The following NLGN4X variants were observed in gnomAD, a reference collection of about 807,000 sequenced individuals.
NLGN4X encodes neuroligin-4, X-linked.
NLGN4X carries 3 observed loss-of-function variants against 40.3 expected under a neutral mutation model. The observed-to-expected ratio is 0.07, with a 90% CI of 0.03 to 0.19. NLGN4X has a LOEUF of 0.19. Ranked by LOEUF, NLGN4X falls within the 10% of genes least tolerant of loss-of-function variation. The pLI, the probability that NLGN4X is intolerant of heterozygous loss-of-function variation, is 1.00. For synonymous variants in NLGN4X, 270 were observed against 306.8 expected (o/e 0.88, Z 1.25); for missense variants, 382 against 708.3 (o/e 0.54, Z 5.23).
At chrX:6,183,472 G>A (rs908915136) in intron 1 of NLGN4X, among the ~76,000 whole-genome samples, 2 of 110,846 alleles carry the variant, frequency 1.8e-5, no homozygotes, top group African/African-American at 3.3e-5. Flanking sequence ...GCATGAACAC[G>A]GGAGGCGGAG....
intron 3 of NLGN4X, among the ~76,000 whole-genome samples, chrX:5,960,189 C>G (rs370573223): frequency 9.4e-6 from 1 of 105,856 alleles, no homozygotes; most frequent in Non-Finnish European, 1.9e-5. Flanking sequence ...TAACTTCAGT[C>G]AATTTCCATA....
chrX:6,225,680 T>TC (rs1926160446), intron 1 of NLGN4X, among the ~76,000 whole-genome samples: 1 of 74,561 alleles, frequency 1.3e-5, no homozygotes, highest in Admixed American at 1.8e-4. Context: ...TTTTTTTCTT[T>TC]CTTTTTTTCT....
chrX:5,986,345 CTG>C (rs1342426029), intron 3 of NLGN4X, among the ~76,000 whole-genome samples: 6 of 112,071 alleles, frequency 5.4e-5, no homozygotes, highest in Non-Finnish European at 9.4e-5. Flanking sequence ...ATGGATCAAA[CTG>C]TTTAAAATAA....
rs1432180941 is a variant in NLGN4X, at chrX:5,912,386, A to G, written c.626-3147T>C. 7.2e-5 allele frequency among the ~76,000 whole-genome samples: 8 copies of G among 111,425 alleles called. No individual in the cohort carries two copies. In the East Asian group the frequency reaches 8.6e-4, roughly 12 times the overall value. On this transcript the variant is annotated intron_variant, in intron 3 of 5. Coordinates refer to ENST00000381095, the MANE Select transcript of NLGN4X (RefSeq NM_181332.3). ...TTCCCTAGCCCCTGTCTGCCAAAGTATTCTGGAAAAACCCAAGCCTCCAAA... is the reference window on the plus strand; with the variant it reads ...TTCCCTAGCCCCTGTCTGCCAAAGTGTTCTGGAAAAACCCAAGCCTCCAAA...
chrX:6,101,389 C>T (rs930415075), intron 2 of NLGN4X, among the ~76,000 whole-genome samples: 2 of 111,817 alleles, frequency 1.8e-5, no homozygotes, highest in Admixed American at 9.5e-5. Flanking sequence ...CAGCTTTGTT[C>T]ACAATAGCCA....
chrX:5,993,206 C>T (rs144452527), intron 3 of NLGN4X, among the ~76,000 whole-genome samples: 2,345 of 110,878 alleles, frequency 0.021, 23 homozygotes, highest in Non-Finnish European at 0.032. Context: ...CCATTAGATG[C>T]CAGAAGCATC....
At chrX:5,994,130 G>T (rs1211569845) in intron 3 of NLGN4X, among the ~76,000 whole-genome samples, 2 of 111,714 alleles carry the variant, frequency 1.8e-5, no homozygotes, top group Non-Finnish European at 3.8e-5. Context: ...CCCAGGAAAG[G>T]AAAGTGAAAA....
At chrX:6,002,414 C>T (rs113608756) in intron 3 of NLGN4X, among the ~76,000 whole-genome samples, 6,026 of 111,924 alleles carry the variant, frequency 0.054, 334 homozygotes, top group African/African-American at 0.17. Context: ...AGCTGTTCCC[C>T]GCCCCGTTCA....
At chrX:5,921,156 T>C (rs202227714) in intron 3 of NLGN4X, among the ~76,000 whole-genome samples, 1 of 74,189 alleles carries the variant, frequency 1.3e-5, no homozygotes, top group Non-Finnish European at 2.6e-5. Flanking sequence ...TACATATATA[T>C]ATATATATAT....
At chrX:6,021,085 TCTCTCTCC>T (rs1569190299) in intron 3 of NLGN4X, among the ~76,000 whole-genome samples, 988 of 47,986 alleles carry the variant, frequency 0.021, 12 homozygotes, top group Non-Finnish European at 0.026. Flanking sequence ...TCCCTCTCTC[TCTCTCTCC>T]CCCTCTCCCT....
At chrX:6,121,149 TACACAC>T (rs35061904) in intron 2 of NLGN4X, among the ~76,000 whole-genome samples, 472 of 102,241 alleles carry the variant, frequency 4.6e-3, no homozygotes, top group Middle Eastern at 9.8e-3. Flanking sequence ...TATATATACA[TACACAC>T]ACACACACAC....
chrX:6,131,606 A>T (rs1179398475), intron 2 of NLGN4X, among the ~76,000 whole-genome samples: 1 of 112,435 alleles, frequency 8.9e-6, no homozygotes, highest in African/African-American at 3.2e-5. Flanking sequence ...TTGCTGCTTA[A>T]AAATGTTCCT....
intron 2 of NLGN4X, among the ~76,000 whole-genome samples, chrX:6,048,209 G>A (rs868485910): frequency 8.9e-6 from 1 of 111,756 alleles, no homozygotes; most frequent in Non-Finnish European, 1.9e-5. Context: ...GTTGATAATG[G>A]AACAAGATCT....
chrX:5,964,063 T>C (rs2034746535), intron 3 of NLGN4X, among the ~76,000 whole-genome samples: 1 of 111,819 alleles, frequency 8.9e-6, no homozygotes, highest in Admixed American at 9.6e-5. Flanking sequence ...CTTCAGGCAG[T>C]TCAGTGTATT....
chrX:5,990,950 G>A (rs138810532), intron 3 of NLGN4X, among the ~76,000 whole-genome samples: 7,992 of 111,834 alleles, frequency 0.071, 697 homozygotes, highest in African/African-American at 0.24. Context: ...CTTGCACCAC[G>A]CAAGCTGTAC....
At chrX:5,909,306 G>A in intron 3 of NLGN4X, 67 bp from the exon 4 acceptor site, 1 of 1,102,000 alleles carries the variant, frequency 9.1e-7, no homozygotes, top group Non-Finnish European at 1.3e-6. Flanking sequence ...TCTGCTATTT[G>A]AAAAGATATC....
In NLGN4X at chrX:5,903,742, C is replaced by T. The variant is rs201720833; in HGVS notation, c.936G>A (p.Thr312=). 85 of 1,209,930 alleles carry T rather than the reference C, an allele frequency of 7.0e-5. No homozygotes were observed. The highest frequency in any genetic ancestry group is 8.6e-5 in the Non-Finnish European group (77 of 895,244). ...DKVGCNMLDT[T]DMVECLRNKN... ...TGTTCCGCAGGCATTCTACCATGTC[C>T]GTGGTGTCCAGCATGTTGCAGCCGA... The change falls in exon 5 of 6, where the codon ACG becomes ACA. Residue 312 remains threonine, a synonymous_variant. Coordinates refer to ENST00000381095, the MANE Select transcript of NLGN4X (RefSeq NM_181332.3).
rs141872330 is a variant in NLGN4X, at chrX:6,067,148, C to T, written c.473-37716G>A. 5.3e-3 allele frequency among the ~76,000 whole-genome samples: 573 copies of T among 108,566 alleles called. 5 individuals are homozygous for T. Among genetic ancestry groups the T allele is most frequent in the African/African-American group, 0.019 (552 of 29,649 alleles). 94.3% of individuals were successfully genotyped at this position (108,566 alleles called of 115,157 possible). ...ATTAAATAAAACATATAAAAATATG[C>T]AAATGCATACAATTTAAAGCATAAT... On this transcript the variant is annotated intron_variant, in intron 2 of 5. Transcript: ENST00000381095.
chrX:6,049,202 T>C lies in NLGN4X; in HGVS notation c.473-19770A>G, dbSNP rs866639274. On this transcript the variant is annotated intron_variant, in intron 2 of 5. Transcript: ENST00000381095. The stretch of plus-strand genomic sequence containing the variant: ...ACCCCAGAAATGCTATGTTGGTGTA[T>C]GGTCATTTAAGCTCCAGGCCAGGAA... Among the ~76,000 whole-genome samples, 328 of 59,053 alleles carry C rather than the reference T, an allele frequency of 5.6e-3. 3 individuals carry two copies. Among genetic ancestry groups the C allele is most frequent in the African/African-American group, 0.02 (303 of 15,020 alleles). The allele number at this position is 59,053 out of a possible 115,157, so 51.3% of individuals were successfully genotyped here.
Sources: allele counts gnomAD v4.1 joint callset (sites outside exome capture counted in the v4.1 genomes callset), GRCh38; gene constraint gnomAD v4.1.1; transcripts MANE v1.5; gene names NCBI Gene and HGNC (gene_info 2026-07-23, HGNC 2026-07-21).